KCNH8: variants seen among roughly 807,000 people sequenced by gnomAD.
KCNH8 encodes potassium voltage-gated channel subfamily H member 8.
In KCNH8, 70 loss-of-function variants were observed where a neutral mutation model predicts 103.6. The ratio of observed to expected loss-of-function variants is 0.68; its 90% CI spans 0.56 to 0.82. The LOEUF (loss-of-function observed/expected upper bound fraction) is 0.82, where lower values mean the gene tolerates loss of function less well. KCNH8 is among the 40% of genes least tolerant of loss of function. KCNH8 has a pLI of 0.00. For synonymous variants in KCNH8, 498 were observed against 489.4 expected (o/e 1.02, Z -0.23); for missense variants, 1,217 against 1,329.9 (o/e 0.92, Z 1.32).
At chr3:19,512,884 T>C (rs1199478403) in intron 12 of KCNH8, 86 bp from the exon 13 acceptor site, 2 of 1,175,014 alleles carry the variant, frequency 1.7e-6, no homozygotes, top group African/African-American at 1.5e-5. Flanking sequence ...GATTTGACTT[T>C]GTTCTAATGA....
At chr3:19,241,745 C>CACACACAA (rs1242696365) in intron 1 of KCNH8, among the ~76,000 whole-genome samples, 6 of 152,046 alleles carry the variant, frequency 3.9e-5, no homozygotes, top group African/African-American at 1.4e-4. Flanking sequence ...CACACACACA[C>CACACACAA]ACACACATGC....
chr3:19,217,899 C>T (rs1260544876), intron 1 of KCNH8, among the ~76,000 whole-genome samples: 1 of 152,134 alleles, frequency 6.6e-6, no homozygotes, highest in Non-Finnish European at 1.5e-5. Flanking sequence ...GTAAATTTCC[C>T]TTTTGCATAA....
intron 7 of KCNH8, among the ~76,000 whole-genome samples, chr3:19,413,847 A>G (rs2066821796): frequency 6.6e-6 from 1 of 152,094 alleles, no homozygotes; most frequent in Non-Finnish European, 1.5e-5. Context: ...GCAGCCTTTC[A>G]CATTTTCCCT....
intron 1 of KCNH8, among the ~76,000 whole-genome samples, chr3:19,218,402 A>G (rs945357087): frequency 1.3e-5 from 2 of 152,102 alleles, no homozygotes; most frequent in African/African-American, 4.8e-5. Context: ...TTTGCTATAC[A>G]TGCTCCTGGT....
intron 1 of KCNH8, among the ~76,000 whole-genome samples, chr3:19,159,558 C>A (rs75232354): frequency 0.026 from 4,017 of 152,052 alleles, 118 homozygotes; most frequent in Non-Finnish European, 0.046. Context: ...GAAAACAGGG[C>A]CAAGATTGGT....
intron 7 of KCNH8, among the ~76,000 whole-genome samples, chr3:19,421,451 T>G (rs908762992): frequency 1.3e-5 from 2 of 152,124 alleles, no homozygotes; most frequent in African/African-American, 2.4e-5. Context: ...TAAAGGGTAC[T>G]TTCTACAATT....
chr3:19,303,790 C>G (rs1489673345), intron 3 of KCNH8, among the ~76,000 whole-genome samples: 3 of 152,096 alleles, frequency 2.0e-5, no homozygotes, highest in African/African-American at 7.2e-5. Context: ...AATTTGTAAA[C>G]ACTCACACTG....
intron 1 of KCNH8, among the ~76,000 whole-genome samples, chr3:19,251,595 A>C (rs1446135886): frequency 6.6e-6 from 1 of 152,154 alleles, no homozygotes; most frequent in East Asian, 1.9e-4. Context: ...CACATGGAAT[A>C]GATTTTCAGT....
chr3:19,334,890 T>A (rs539528630), intron 3 of KCNH8, among the ~76,000 whole-genome samples: 55 of 152,152 alleles, frequency 3.6e-4, no homozygotes, highest in African/African-American at 1.3e-3. Context: ...TATATACTAT[T>A]TAATTGTAGT....
intron 2 of KCNH8, among the ~76,000 whole-genome samples, chr3:19,267,643 C>T (rs1308770407): frequency 6.6e-6 from 1 of 152,032 alleles, no homozygotes; most frequent in Non-Finnish European, 1.5e-5. Context: ...ATTAACCCTA[C>T]AATATCTAAT....
chr3:19,401,758 C>T (rs894352686), intron 7 of KCNH8, among the ~76,000 whole-genome samples: 2 of 151,684 alleles, frequency 1.3e-5, no homozygotes, highest in African/African-American at 4.8e-5. Flanking sequence ...TATGAAGTTG[C>T]ATTATCTCTG....
chr3:19,479,718 A>G (rs897999374), intron 11 of KCNH8, among the ~76,000 whole-genome samples: 1 of 152,176 alleles, frequency 6.6e-6, no homozygotes, highest in Non-Finnish European at 1.5e-5. Context: ...ATTATATGAT[A>G]CTTATTATGA....
chr3:19,265,081 A>G (rs17005800), intron 2 of KCNH8, among the ~76,000 whole-genome samples: 13,692 of 152,100 alleles, frequency 0.09, 1,987 homozygotes, highest in African/African-American at 0.3. Flanking sequence ...AAACTATCAA[A>G]GAAGGAGTAG....
chr3:19,398,010 C>T (rs915448962), intron 7 of KCNH8, among the ~76,000 whole-genome samples: 1 of 151,900 alleles, frequency 6.6e-6, no homozygotes, highest in Non-Finnish European at 1.5e-5. Flanking sequence ...GTCCAATTAT[C>T]ATGAATCCAA....
intron 11 of KCNH8, among the ~76,000 whole-genome samples, chr3:19,496,366 C>A (rs1232517461): frequency 6.6e-6 from 1 of 152,078 alleles, no homozygotes; most frequent in African/African-American, 2.4e-5. Flanking sequence ...AAAGTATATT[C>A]CTTCAATGAC....
chr3:19,479,873 T>C (rs2068053583), intron 11 of KCNH8, among the ~76,000 whole-genome samples: 1 of 152,214 alleles, frequency 6.6e-6, no homozygotes, highest in Non-Finnish European at 1.5e-5. Flanking sequence ...ATGATCTCTT[T>C]CTCTGAATGG....
At chr3:19,508,497 G>C (rs934498897) in intron 11 of KCNH8, among the ~76,000 whole-genome samples, 4 of 152,030 alleles carry the variant, frequency 2.6e-5, no homozygotes, top group East Asian at 3.8e-4. Flanking sequence ...CTGCAGAATA[G>C]AGACTAAAAA....
intron 7 of KCNH8, among the ~76,000 whole-genome samples, chr3:19,414,517 T>G (rs909951770): frequency 2.0e-5 from 3 of 152,080 alleles, no homozygotes; most frequent in Non-Finnish European, 4.4e-5. Context: ...GGTTATTTCA[T>G]GTGAAGAACT....
chr3:19,503,290 G>A (rs890904726), intron 11 of KCNH8, among the ~76,000 whole-genome samples: 4 of 151,870 alleles, frequency 2.6e-5, no homozygotes, highest in South Asian at 2.1e-4. Context: ...AGGTGCTGGA[G>A]AGGATGTGGA....
Sources: gnomAD v4.1 joint callset for allele counts (sites outside exome capture counted in the v4.1 genomes callset) on GRCh38, gnomAD v4.1.1 for gene constraint, MANE v1.5 for transcripts, NCBI Gene and HGNC (gene_info 2026-07-23, HGNC 2026-07-21) for gene names.